Variants in STK32B observed in about 807,000 individuals in gnomAD.
The protein encoded by STK32B is serine/threonine-protein kinase 32B.
Under a neutral mutation model 52.6 loss-of-function variants are expected in STK32B, and 43 were observed. The ratio of observed to expected loss-of-function variants is 0.82; its 90% confidence interval spans 0.64 to 1.05. The LOEUF (loss-of-function observed/expected upper bound fraction) is 1.05. STK32B is among the 50% of genes least tolerant of loss of function. The pLI, the probability that STK32B is intolerant of heterozygous loss-of-function variation, is 0.00. For missense variants in STK32B, 621 were observed against 534.6 expected, an observed-to-expected ratio of 1.16 and a Z score of -1.59; for synonymous variants, 238 against 204.3, an observed-to-expected ratio of 1.17 and a Z score of -1.41.
intron 3 of STK32B, among the ~76,000 whole-genome samples, chr4:5,260,232 A>G (rs1218678382): frequency 6.6e-6 from 1 of 152,180 alleles, no homozygotes; most frequent in Non-Finnish European, 1.5e-5. Context: ...AACATTGCAA[A>G]TTAGCAACAC....
chr4:5,032,342 G>A, the STK32B span, among the ~76,000 whole-genome samples: 2 of 151,626 alleles, frequency 1.3e-5, no homozygotes, highest in African/African-American at 4.8e-5. Context: ...GCGTGGTGGT[G>A]CACAACTGTA....
chr4:5,330,638 G>A (rs920575452), intron 3 of STK32B, among the ~76,000 whole-genome samples: 1 of 152,214 alleles, frequency 6.6e-6, no homozygotes, highest in Non-Finnish European at 1.5e-5. Context: ...TGGGAACTCA[G>A]CTGTGGATCT....
At chr4:5,204,458 T>TTTTTGTTTTGTTTTA (rs1553850287) in intron 3 of STK32B, among the ~76,000 whole-genome samples, 6 of 146,856 alleles carry the variant, frequency 4.1e-5, no homozygotes, top group South Asian at 2.3e-4. Flanking sequence ...TTTTTAGGTT[T>TTTTTGTTTTGTTTTA]TTTTGTTTTG....
chr4:5,139,894 T>G lies in STK32B; in HGVS notation c.53-11T>G. 6.2e-7 allele frequency: 1 copy of G among 1,614,208 alleles called. No homozygotes were observed. Among genetic ancestry groups the G allele is most frequent in the Non-Finnish European group, 8.5e-7 (1 of 1,180,028 alleles). On this transcript the variant is annotated splice_polypyrimidine_tract_variant and intron_variant, in intron 1 of 11. Coordinates refer to ENST00000282908, the MANE Select transcript of STK32B (RefSeq NM_018401.3). ...AATCTGACTTGTTTCCTTTTTTGTT[T>G]TCTTTTGCAGTCAACTTTGACCATT...
chr4:5,323,393 CTG>C lies in STK32B; in HGVS notation c.261-7824_261-7823del, dbSNP rs367623051. Among the ~76,000 whole-genome samples the C allele has an allele frequency of 1.5e-3, 231 of 152,268 alleles. 1 individual carries two copies. Among genetic ancestry groups the C allele is most frequent in the African/African-American group, 5.2e-3 (217 of 41,562 alleles). ...GAAGCAGAAGGGGAGCCCGAGGGGACTGTGCTGAGCACGGCTGCTTCTTCTGG... is the reference window on the plus strand; with the variant it reads ...GAAGCAGAAGGGGAGCCCGAGGGGACTGCTGAGCACGGCTGCTTCTTCTGG... On this transcript the variant is annotated intron_variant, in intron 3 of 11. Coordinates refer to ENST00000282908, the MANE Select transcript of STK32B (RefSeq NM_018401.3).
intron 3 of STK32B, among the ~76,000 whole-genome samples, chr4:5,305,089 A>G (rs1181535160): frequency 1.3e-5 from 2 of 151,878 alleles, no homozygotes; most frequent in African/African-American, 2.4e-5. Context: ...ATTCCCTTAG[A>G]TAATATTTTG....
At chr4:5,416,090 G>A (rs1209898819) in intron 5 of STK32B, among the ~76,000 whole-genome samples, 1 of 152,146 alleles carries the variant, frequency 6.6e-6, no homozygotes, top group Non-Finnish European at 1.5e-5. Flanking sequence ...TTCTGAGCTG[G>A]AGTCTTATAT....
intron 3 of STK32B, among the ~76,000 whole-genome samples, chr4:5,321,906 C>T (rs962947782): frequency 2.6e-5 from 4 of 151,508 alleles, no homozygotes; most frequent in Admixed American, 6.6e-5. Flanking sequence ...CAGCGTCCTT[C>T]GACTTCCTGG....
At chr4:5,290,570 A>G (rs1196518258) in intron 3 of STK32B, among the ~76,000 whole-genome samples, 1 of 151,492 alleles carries the variant, frequency 6.6e-6, no homozygotes, top group African/African-American at 2.4e-5. Flanking sequence ...TGACTGAAAC[A>G]TTACACAGCA....
At chr4:5,129,088 AG>A (rs1265916643) in intron 1 of STK32B, among the ~76,000 whole-genome samples, 1 of 152,224 alleles carries the variant, frequency 6.6e-6, no homozygotes, top group Non-Finnish European at 1.5e-5. Context: ...CATGTCCATA[AG>A]TTATGGGGAA....
chr4:5,428,089 T>C (rs913364276), intron 6 of STK32B, among the ~76,000 whole-genome samples: 1 of 152,018 alleles, frequency 6.6e-6, no homozygotes, highest in African/African-American at 2.4e-5. Context: ...TTTAGATATA[T>C]TGTGCTTTTA....
chr4:5,234,587 T>C (rs1198050152), intron 3 of STK32B, among the ~76,000 whole-genome samples: 2 of 152,266 alleles, frequency 1.3e-5, no homozygotes, highest in Non-Finnish European at 2.9e-5. Context: ...TCATTCCTTT[T>C]TATTTCTGTA....
chr4:5,440,095 T>C (rs1195316804), intron 6 of STK32B, among the ~76,000 whole-genome samples: 1 of 151,994 alleles, frequency 6.6e-6, no homozygotes, highest in Non-Finnish European at 1.5e-5. Flanking sequence ...GGGCTCTTTT[T>C]TGGTTCCATA....
At chr4:5,323,405 C>T (rs1258400079) in intron 3 of STK32B, among the ~76,000 whole-genome samples, 2 of 152,140 alleles carry the variant, frequency 1.3e-5, no homozygotes, top group Admixed American at 6.5e-5. Context: ...GTGCTGAGCA[C>T]GGCTGCTTCT....
chr4:5,175,261 G>C (rs1456694568), intron 3 of STK32B, among the ~76,000 whole-genome samples: 1 of 151,886 alleles, frequency 6.6e-6, no homozygotes, highest in Non-Finnish European at 1.5e-5. Context: ...TCCACCTTCA[G>C]CTCGGAGTAG....
chr4:5,245,192 A>G (rs1046083257), intron 3 of STK32B, among the ~76,000 whole-genome samples: 44 of 152,106 alleles, frequency 2.9e-4, no homozygotes, highest in Admixed American at 4.6e-4. Flanking sequence ...AAAGTCTCCC[A>G]TTATTATTGT....
intron 4 of STK32B, among the ~76,000 whole-genome samples, chr4:5,352,787 A>G (rs1267470752): frequency 2.6e-5 from 4 of 152,102 alleles, no homozygotes; most frequent in African/African-American, 9.7e-5. Context: ...ATCAGTTTCG[A>G]TTCATCAATA....
At chr4:5,446,842 C>G (rs940534462) in intron 7 of STK32B, 66 bp downstream of exon 7, 20 of 1,529,204 alleles carry the variant, frequency 1.3e-5, no homozygotes, top group Non-Finnish European at 1.8e-5. Flanking sequence ...TGTACCTGGA[C>G]GGGCAGAGTC....
At chr4:5,352,471 A>G (rs1241816636) in intron 4 of STK32B, among the ~76,000 whole-genome samples, 1 of 152,026 alleles carries the variant, frequency 6.6e-6, no homozygotes, top group Non-Finnish European at 1.5e-5. Flanking sequence ...ATATGTGACA[A>G]AACCCCAGCT....
Sources: allele counts gnomAD v4.1 joint callset (sites outside exome capture counted in the v4.1 genomes callset), GRCh38; gene constraint gnomAD v4.1.1; transcripts MANE v1.5; gene names NCBI Gene and HGNC (gene_info 2026-07-23, HGNC 2026-07-21).